The following MRAP2 variants were observed in gnomAD, a reference collection of about 807,000 sequenced individuals.
The protein encoded by MRAP2 is melanocortin-2 receptor accessory protein 2.
In MRAP2, 20 loss-of-function variants were observed where a neutral mutation model predicts 17.4. The observed-to-expected ratio is 1.15, with a 90% CI of 0.81 to 1.67. MRAP2 has a LOEUF of 1.67. MRAP2 is among the 40% of genes most tolerant of loss of function. The probability of loss-of-function intolerance (pLI) is 0.00; values close to 1 mark genes in which losing one functional copy is unlikely to be tolerated. For missense variants in MRAP2, 238 were observed against 240.0 expected (o/e 0.99, Z 0.05); for synonymous variants, 96 against 88.4 (o/e 1.09, Z -0.48).
intron 2 of MRAP2, among the ~76,000 whole-genome samples, chr6:84,061,283 A>G (rs2099493098): frequency 6.6e-6 from 1 of 152,222 alleles, no homozygotes; most frequent in Non-Finnish European, 1.5e-5. Context: ...ACTTATTTTT[A>G]GAAAATTGCT....
intron 1 of MRAP2, among the ~76,000 whole-genome samples, chr6:84,036,942 A>G (rs188388910): frequency 0.012 from 1,875 of 151,372 alleles, 45 homozygotes; most frequent in African/African-American, 0.043. Context: ...TGATTGGTGC[A>G]TTTACAAACT....
At chr6:84,078,815 G>C (rs1369828990) in intron 3 of MRAP2, among the ~76,000 whole-genome samples, 1 of 152,092 alleles carries the variant, frequency 6.6e-6, no homozygotes, top group Non-Finnish European at 1.5e-5. Flanking sequence ...CAGCATGAAA[G>C]CCCTAACCAG....
chr6:84,068,489 T>C (rs1311736162), intron 3 of MRAP2, among the ~76,000 whole-genome samples: 1 of 152,244 alleles, frequency 6.6e-6, no homozygotes, highest in East Asian at 1.9e-4. Context: ...ATAGTCATTT[T>C]TACAATATTG....
the MRAP2 span, chr6:84,125,323 G>A: frequency 6.6e-7 from 1 of 1,516,684 alleles, no homozygotes; most frequent in Non-Finnish European, 9.1e-7. Flanking sequence ...CATAGTGGTG[G>A]GTGAGGAACA....
chr6:84,063,054 T>A (rs1048994255), intron 3 of MRAP2, 62 bp downstream of exon 3: 63 of 1,609,772 alleles, frequency 3.9e-5, no homozygotes, highest in Non-Finnish European at 5.0e-5. Context: ...AAATAGAAAC[T>A]ACTACCCAGG....
downstream of MRAP2, among the ~76,000 whole-genome samples, chr6:84,093,382 T>C (rs1485341634): frequency 1.3e-5 from 2 of 152,150 alleles, no homozygotes; most frequent in African/African-American, 4.8e-5. Flanking sequence ...TGGTCAGCCA[T>C]CTCTGTCGTC....
At chr6:84,068,482 G>A (rs1437249058) in intron 3 of MRAP2, among the ~76,000 whole-genome samples, 1 of 152,152 alleles carries the variant, frequency 6.6e-6, no homozygotes, top group Non-Finnish European at 1.5e-5. Context: ...TGGCAGTATA[G>A]TCATTTTTAC....
intron 2 of MRAP2, among the ~76,000 whole-genome samples, chr6:84,060,470 A>G (rs986582586): frequency 2.6e-5 from 4 of 152,226 alleles, no homozygotes; most frequent in African/African-American, 7.2e-5. Context: ...AAAAATGTCA[A>G]TCAACATGAT....
the MRAP2 span, among the ~76,000 whole-genome samples, chr6:84,120,706 T>G: frequency 2.0e-5 from 3 of 152,304 alleles, no homozygotes; most frequent in South Asian, 4.1e-4. Context: ...AACCAGACAT[T>G]GCTTGCATTT....
intron 3 of MRAP2, among the ~76,000 whole-genome samples, chr6:84,065,097 C>A (rs986060158): frequency 6.6e-6 from 1 of 152,044 alleles, no homozygotes; most frequent in Non-Finnish European, 1.5e-5. Flanking sequence ...ACAGCCTGGG[C>A]AACATGGCAA....
chr6:84,115,342 G>T, the MRAP2 span, among the ~76,000 whole-genome samples: 1 of 152,222 alleles, frequency 6.6e-6, no homozygotes, highest in Non-Finnish European at 1.5e-5. Flanking sequence ...GCTTCACCTA[G>T]TTCGAACTTC....
chr6:84,077,068 G>A (rs1027949600), intron 3 of MRAP2, among the ~76,000 whole-genome samples: 1 of 152,172 alleles, frequency 6.6e-6, no homozygotes, highest in African/African-American at 2.4e-5. Context: ...TCTAATTAGT[G>A]CAAAGCTCTT....
At chr6:84,065,974 A>G (rs1423816170) in intron 3 of MRAP2, among the ~76,000 whole-genome samples, 1 of 151,624 alleles carries the variant, frequency 6.6e-6, no homozygotes, top group Non-Finnish European at 1.5e-5. Context: ...TACATGAGGC[A>G]ATTCCTTAAA....
intron 3 of MRAP2, among the ~76,000 whole-genome samples, chr6:84,078,032 G>A (rs1464679570): frequency 1.3e-5 from 2 of 152,112 alleles, no homozygotes; most frequent in Admixed American, 6.5e-5. Flanking sequence ...TATCATATTG[G>A]CCAACATGGT....
intron 1 of MRAP2, among the ~76,000 whole-genome samples, chr6:84,054,045 C>T (rs567505279): frequency 3.9e-4 from 60 of 152,096 alleles, no homozygotes; most frequent in Middle Eastern, 3.4e-3. Flanking sequence ...GGGACGGATG[C>T]GGGCGAAAGA....
At chr6:84,060,460 A>G (rs2497117) in intron 2 of MRAP2, among the ~76,000 whole-genome samples, 25,863 of 152,192 alleles carry the variant, frequency 0.17, 4,994 homozygotes, top group African/African-American at 0.48. Flanking sequence ...CACAGATTTG[A>G]AAAATGTCAA....
chr6:84,108,016 C>G, the MRAP2 span, among the ~76,000 whole-genome samples: 1 of 152,174 alleles, frequency 6.6e-6, no homozygotes, highest in Non-Finnish European at 1.5e-5. Context: ...GCAGGGCTAT[C>G]AAGATATTTC....
intron 3 of MRAP2, among the ~76,000 whole-genome samples, chr6:84,068,064 G>A (rs961397183): frequency 1.8e-4 from 28 of 152,088 alleles, no homozygotes; most frequent in African/African-American, 6.8e-4. Flanking sequence ...GTTGATTTTT[G>A]TATAAGGTGA....
chr6:84,093,491 G>A (rs72907693), downstream of MRAP2, among the ~76,000 whole-genome samples: 501 of 152,296 alleles, frequency 3.3e-3, no homozygotes, highest in South Asian at 5.8e-3. Flanking sequence ...AATCTTCCAG[G>A]ATGGAAATAC....
Sources: allele counts gnomAD v4.1 joint callset (sites outside exome capture counted in the v4.1 genomes callset), GRCh38; gene constraint gnomAD v4.1.1; transcripts MANE v1.5; gene names NCBI Gene and HGNC (gene_info 2026-07-23, HGNC 2026-07-21).